Variants in SLC16A12 observed in about 807,000 individuals in gnomAD.
SLC16A12 encodes solute carrier family 16 member 12, also known as monocarboxylate transporter 12.
SLC16A12 carries 17 observed loss-of-function variants against 42.4 expected under a neutral mutation model. The ratio of observed to expected loss-of-function variants is 0.40; its 90% CI spans 0.27 to 0.60. The LOEUF (loss-of-function observed/expected upper bound fraction) is 0.60, where lower values mean the gene tolerates loss of function less well. Ranked by LOEUF, SLC16A12 falls within the 20% of genes least tolerant of loss-of-function variation. The probability of loss-of-function intolerance (pLI) is 0.42; values close to 1 mark genes in which losing one functional copy is unlikely to be tolerated. For synonymous variants in SLC16A12, 224 were observed against 229.4 expected (o/e 0.98, Z 0.21); for missense variants, 544 against 623.0 (o/e 0.87, Z 1.35).
intron 3 of SLC16A12, among the ~76,000 whole-genome samples, chr10:89,458,747 C>T (rs1169392265): frequency 6.6e-6 from 1 of 152,178 alleles, no homozygotes; most frequent in Admixed American, 6.5e-5. Context: ...ACTCCTGACA[C>T]TTTTGAACAG....
At chr10:89,515,033 A>T (rs304465) in intron 2 of SLC16A12, among the ~76,000 whole-genome samples, 66,643 of 151,874 alleles carry the variant, frequency 0.44, 14,944 homozygotes, top group South Asian at 0.63. Context: ...CAGAGGTCAC[A>T]GTGAGCCGAG....
chr10:89,545,563 GACCCAAAC>G (rs1270360201), intron 2 of SLC16A12, among the ~76,000 whole-genome samples: 109 of 152,210 alleles, frequency 7.2e-4, no homozygotes, highest in African/African-American at 2.5e-3. Context: ...AATAAGAGAG[GACCCAAAC>G]AAATGGAAAA....
chr10:89,466,901 G>GT (rs1842409750), intron 2 of SLC16A12, among the ~76,000 whole-genome samples: 1 of 152,162 alleles, frequency 6.6e-6, no homozygotes. Flanking sequence ...AAACAGCCAC[G>GT]TGAGTCATGT....
chr10:89,500,277 C>A (rs943703821), intron 2 of SLC16A12, among the ~76,000 whole-genome samples: 3 of 152,118 alleles, frequency 2.0e-5, no homozygotes, highest in African/African-American at 7.2e-5. Context: ...GGAACCCTCC[C>A]TAAATCATTC....
intron 3 of SLC16A12, among the ~76,000 whole-genome samples, chr10:89,450,041 A>C (rs928630031): frequency 6.6e-6 from 1 of 152,238 alleles, no homozygotes; most frequent in Non-Finnish European, 1.5e-5. Context: ...AGAGAAATGC[A>C]AATCAAAACC....
intron 6 of SLC16A12, among the ~76,000 whole-genome samples, chr10:89,437,614 C>A (rs1291465019): frequency 6.6e-6 from 1 of 151,394 alleles, no homozygotes; most frequent in Non-Finnish European, 1.5e-5. Context: ...AATAGGTAAT[C>A]TTTGCTCTTC....
chr10:89,530,858 A>T (rs1321187295), intron 2 of SLC16A12, among the ~76,000 whole-genome samples: 1 of 152,130 alleles, frequency 6.6e-6, no homozygotes, highest in East Asian at 1.9e-4. Context: ...CCTGGCAATC[A>T]CTAATCCACT....
At chr10:89,553,204 C>A (rs890569370) in intron 2 of SLC16A12, among the ~76,000 whole-genome samples, 1 of 152,230 alleles carries the variant, frequency 6.6e-6, no homozygotes, top group African/African-American at 2.4e-5. Flanking sequence ...GAATGTCTGA[C>A]TTGCTCAGAA....
At chr10:89,456,915 G>A (rs1842201787) in intron 3 of SLC16A12, among the ~76,000 whole-genome samples, 1 of 152,066 alleles carries the variant, frequency 6.6e-6, no homozygotes, top group African/African-American at 2.4e-5. Flanking sequence ...TATATACATA[G>A]TGGTATATAT....
chr10:89,440,581 G>A (rs1435404674), intron 5 of SLC16A12, among the ~76,000 whole-genome samples: 1 of 152,166 alleles, frequency 6.6e-6, no homozygotes, highest in Non-Finnish European at 1.5e-5. Context: ...GAATGTACAT[G>A]TTGCTTTTTT....
chr10:89,470,643 T>C (rs985220446), intron 2 of SLC16A12, among the ~76,000 whole-genome samples: 6 of 152,344 alleles, frequency 3.9e-5, no homozygotes, highest in Middle Eastern at 3.4e-3. Flanking sequence ...GAAATCATAG[T>C]TGACCCTTAA....
At chr10:89,454,426 A>G (rs1179033178) in intron 3 of SLC16A12, among the ~76,000 whole-genome samples, 2 of 152,090 alleles carry the variant, frequency 1.3e-5, no homozygotes. Context: ...AATTCACACC[A>G]GGCTACCTTC....
chr10:89,555,872 C>A (rs931109366), intron 2 of SLC16A12: 1 of 151,312 alleles, frequency 6.6e-6, no homozygotes, highest in East Asian at 1.9e-4. Context: ...ACTATTGGAA[C>A]TTACATTACC....
intron 2 of SLC16A12, among the ~76,000 whole-genome samples, chr10:89,513,729 G>T (rs1843200713): frequency 6.6e-6 from 1 of 152,102 alleles, no homozygotes; most frequent in Admixed American, 6.6e-5. Context: ...TAGAACAAGG[G>T]ACTAGTCAGA....
chr10:89,440,676 G>C (rs545531840), intron 5 of SLC16A12, among the ~76,000 whole-genome samples: 2 of 151,440 alleles, frequency 1.3e-5, no homozygotes, highest in Non-Finnish European at 2.9e-5. Flanking sequence ...CACAATAAAG[G>C]GTTTTTTAAA....
chr10:89,438,564 T>C (rs1395321804), intron 6 of SLC16A12, 40 bp downstream of exon 6: 1 of 1,587,340 alleles, frequency 6.3e-7, no homozygotes, highest in Non-Finnish European at 8.6e-7. Context: ...AGGCTTAAAG[T>C]CCCCTGGTGG....
chr10:89,503,653 T>A (rs1406512311), intron 2 of SLC16A12, among the ~76,000 whole-genome samples: 2 of 151,980 alleles, frequency 1.3e-5, no homozygotes, highest in African/African-American at 4.8e-5. Flanking sequence ...TGGGGCCAGG[T>A]GAGTCAAGAA....
intron 2 of SLC16A12, among the ~76,000 whole-genome samples, chr10:89,541,127 T>C (rs1042206843): frequency 5.9e-5 from 9 of 151,524 alleles, no homozygotes; most frequent in Admixed American, 5.3e-4. Context: ...GGGGTTTCAC[T>C]GTGTTAGCCA....
chr10:89,484,070 C>T (rs1462126991), intron 2 of SLC16A12, among the ~76,000 whole-genome samples: 1 of 152,182 alleles, frequency 6.6e-6, no homozygotes, highest in African/African-American at 2.4e-5. Context: ...GGGTGGCTCT[C>T]TTAAGGCCAG....
Sources: gnomAD v4.1 joint callset for allele counts (sites outside exome capture counted in the v4.1 genomes callset) on GRCh38, gnomAD v4.1.1 for gene constraint, MANE v1.5 for transcripts, NCBI Gene and HGNC (gene_info 2026-07-23, HGNC 2026-07-21) for gene names.